DDAH1: variants seen among roughly 807,000 people sequenced by gnomAD.
The protein encoded by DDAH1 is N(G),N(G)-dimethylarginine dimethylaminohydrolase 1.
Under a neutral mutation model 28.8 loss-of-function variants are expected in DDAH1, and 19 were observed. The ratio of observed to expected loss-of-function variants is 0.66; its 90% CI spans 0.46 to 0.97. The LOEUF (loss-of-function observed/expected upper bound fraction) is 0.97. DDAH1 is among the 50% of genes least tolerant of loss of function. The pLI is 0.00. For missense variants in DDAH1, 326 were observed against 375.9 expected, an observed-to-expected ratio of 0.87 and a Z score of 1.10; for synonymous variants, 153 against 154.4, an observed-to-expected ratio of 0.99 and a Z score of 0.07.
At chr1:85,543,217 G>T (rs909583553) in intron 1 of DDAH1, among the ~76,000 whole-genome samples, 10 of 152,144 alleles carry the variant, frequency 6.6e-5, no homozygotes, top group African/African-American at 2.2e-4. Flanking sequence ...CTCATCTCAA[G>T]AATTACTGTT....
intron 1 of DDAH1, among the ~76,000 whole-genome samples, chr1:85,369,913 G>A (rs1650287971): frequency 6.6e-6 from 1 of 152,178 alleles, no homozygotes; most frequent in East Asian, 1.9e-4. Context: ...TTGCCCATAG[G>A]AAGAATGTTC....
intron 1 of DDAH1, among the ~76,000 whole-genome samples, chr1:85,413,508 G>A (rs1169560312): frequency 6.6e-6 from 1 of 152,186 alleles, no homozygotes; most frequent in Non-Finnish European, 1.5e-5. Context: ...TTCAGTAACA[G>A]TTAAAATGTG....
intron 1 of DDAH1, among the ~76,000 whole-genome samples, chr1:85,385,599 G>T (rs1404386536): frequency 6.6e-6 from 1 of 152,174 alleles, no homozygotes; most frequent in Non-Finnish European, 1.5e-5. Flanking sequence ...AGAGCGGCCT[G>T]GCAGGAAGAT....
intron 2 of DDAH1, among the ~76,000 whole-genome samples, chr1:85,483,228 A>G (rs1183886274): frequency 2.0e-5 from 3 of 151,776 alleles, no homozygotes; most frequent in Admixed American, 1.3e-4. Flanking sequence ...AAAAAAAAAA[A>G]AGAATTCTCT....
intron 2 of DDAH1, among the ~76,000 whole-genome samples, chr1:85,490,323 T>C (rs567611714): frequency 1.3e-5 from 2 of 152,222 alleles, no homozygotes; most frequent in East Asian, 3.9e-4. Context: ...AAATGTGAAA[T>C]GAGTGGGAAA....
At chr1:85,490,680 G>A (rs1195556323) in intron 2 of DDAH1, among the ~76,000 whole-genome samples, 2 of 152,260 alleles carry the variant, frequency 1.3e-5, no homozygotes, top group Non-Finnish European at 2.9e-5. Flanking sequence ...CTGTGGTCCA[G>A]CCTCTAGACA....
At chr1:85,384,123 A>G (rs1276364502) in intron 1 of DDAH1, among the ~76,000 whole-genome samples, 2 of 152,168 alleles carry the variant, frequency 1.3e-5, no homozygotes, top group African/African-American at 2.4e-5. Context: ...AGCCCTGTGT[A>G]TTGTGAGGTC....
chr1:85,444,243 G>A lies in DDAH1; in HGVS notation c.303+20500C>T, dbSNP rs191563275. 4.2e-3 allele frequency among the ~76,000 whole-genome samples: 635 copies of A among 152,178 alleles called. 8 individuals carry two copies. Among genetic ancestry groups the A allele is most frequent in the African/African-American group, 0.015 (621 of 41,540 alleles). ...GCATGAAGGGCTGTTGAATTTTGTC[G>A]AAGGTCTTTTCTGCATCTATTGAGA... On this transcript the variant is annotated intron_variant, in intron 1 of 5. Coordinates refer to ENST00000284031, the MANE Select transcript of DDAH1 (RefSeq NM_012137.4).
intron 1 of DDAH1, among the ~76,000 whole-genome samples, chr1:85,544,448 A>G (rs1658558621): frequency 6.6e-6 from 1 of 152,176 alleles, no homozygotes; most frequent in African/African-American, 2.4e-5. Flanking sequence ...AAACTCCCAG[A>G]GCACAATGTC....
intron 1 of DDAH1, among the ~76,000 whole-genome samples, chr1:85,445,851 T>C (rs961462610): frequency 2.6e-5 from 4 of 152,172 alleles, no homozygotes; most frequent in Non-Finnish European, 5.9e-5. Context: ...TTCTCCCTCC[T>C]TGGCCTCCCA....
At chr1:85,525,798 C>G (rs1285597052) in intron 1 of DDAH1, among the ~76,000 whole-genome samples, 22 of 152,076 alleles carry the variant, frequency 1.4e-4, no homozygotes, top group Admixed American at 1.4e-3. Context: ...GGTGAGCTCA[C>G]AGGTTAACAC....
At chr1:85,557,836 A>T (rs1345617989) in intron 1 of DDAH1, among the ~76,000 whole-genome samples, 1 of 152,170 alleles carries the variant, frequency 6.6e-6, no homozygotes, top group Non-Finnish European at 1.5e-5. Context: ...CTGAAGACAC[A>T]AACAGAAGGT....
intron 1 of DDAH1, among the ~76,000 whole-genome samples, chr1:85,552,611 T>C (rs747844291): frequency 2.0e-5 from 3 of 152,206 alleles, no homozygotes; most frequent in African/African-American, 2.4e-5. Context: ...CTAAGACCCA[T>C]GAACTCTGCC....
chr1:85,491,043 A>ACTCTTTTTTTTTTTTTTTTT lies in DDAH1; in HGVS notation c.-7+5122_-7+5123insAAAAAAAAAAAAAAAAAGAG, dbSNP rs1557686884. ...TCTTCTAATGACAACAGTAACATGT[A>ACTCTTTTTTTTTTTTTTTTT]TTCTTTTTTTTTTTTTTTTTTTTGA... On this transcript the variant is annotated intron_variant, in intron 2 of 6. Coordinates refer to the DDAH1 transcript ENST00000426972. Among the ~76,000 whole-genome samples, 30 of 79,340 alleles carry ACTCTTTTTTTTTTTTTTTTT rather than the reference A, an allele frequency of 3.8e-4. 15 individuals carry two copies. The highest frequency in any genetic ancestry group is 4.7e-4 in the Non-Finnish European group (20 of 42,166). The allele number at this position is 79,340 out of a possible 152,430, so 52.1% of individuals were successfully genotyped here.
At chr1:85,463,543 A>G (rs961940180) in intron 1 of DDAH1, among the ~76,000 whole-genome samples, 1 of 152,110 alleles carries the variant, frequency 6.6e-6, no homozygotes, top group African/African-American at 2.4e-5. Flanking sequence ...GAGATCTGTT[A>G]CTCTTTTGGT....
intron 1 of DDAH1, among the ~76,000 whole-genome samples, chr1:85,541,991 C>A (rs972022962): frequency 3.3e-5 from 5 of 152,112 alleles, no homozygotes; most frequent in Non-Finnish European, 7.4e-5. Flanking sequence ...GTTATAGCAG[C>A]CTGAATGGAC....
chr1:85,342,452 T>G (rs1260986060), intron 4 of DDAH1, among the ~76,000 whole-genome samples: 1 of 151,960 alleles, frequency 6.6e-6, no homozygotes, highest in Admixed American at 6.6e-5. Flanking sequence ...AAATGCAAGC[T>G]TCCTGTTCTC....
chr1:85,383,138 T>C (rs12568573), intron 1 of DDAH1, among the ~76,000 whole-genome samples: 17,478 of 152,286 alleles, frequency 0.11, 1,081 homozygotes, highest in East Asian at 0.24. Context: ...GTGATTCCTC[T>C]GATGAATCTG....
intron 1 of DDAH1, among the ~76,000 whole-genome samples, chr1:85,502,969 C>G (rs1373562453): frequency 6.6e-6 from 1 of 152,136 alleles, no homozygotes; most frequent in Non-Finnish European, 1.5e-5. Context: ...AGCTACCAGT[C>G]AGTGGATTGA....
Sources: gnomAD v4.1 joint callset for allele counts (sites outside exome capture counted in the v4.1 genomes callset) on GRCh38, gnomAD v4.1.1 for gene constraint, MANE v1.5 for transcripts, NCBI Gene and HGNC (gene_info 2026-07-23, HGNC 2026-07-21) for gene names.